Variants in STAC observed in about 807,000 individuals in gnomAD.
The protein encoded by STAC is SH3 and cysteine-rich domain-containing protein.
STAC carries 43 observed loss-of-function variants against 48.8 expected under a neutral mutation model. That is an observed-to-expected ratio of 0.88 (90% CI 0.69 to 1.14). STAC has a LOEUF of 1.14. Ranked by LOEUF, STAC falls within the 50% of genes most tolerant of loss-of-function variation. The pLI is 0.00. For synonymous variants in STAC, 193 were observed against 179.5 expected (o/e 1.07, Z -0.60); for missense variants, 497 against 504.0 (o/e 0.99, Z 0.13).
intron 6 of STAC, 113 bp downstream of exon 6, chr3:36,493,342 A>G: frequency 1.1e-6 from 1 of 936,834 alleles, no homozygotes; most frequent in East Asian, 2.6e-5. Context: ...GAATTTAATC[A>G]GGGCGAGTGT....
At chr3:36,396,527 C>T (rs1486585905) in intron 1 of STAC, among the ~76,000 whole-genome samples, 1 of 152,080 alleles carries the variant, frequency 6.6e-6, no homozygotes, top group Non-Finnish European at 1.5e-5. Flanking sequence ...CACAGAAGTA[C>T]AGGGATGCTT....
At position 36,387,929 on chromosome 3, in the gene STAC, C is replaced by T. The variant is rs540208331; in HGVS notation, c.111+7175C>T. 5.3e-5 allele frequency among the ~76,000 whole-genome samples: 8 copies of T among 152,132 alleles called. No homozygotes were observed. In the South Asian group the frequency reaches 1.5e-3, roughly 28 times the overall value. ...TTGCCATCCTATTTTCCACAGTGGT[C>T]GCACAGTTTTGGATTCTGACGAGTA... On this transcript the variant is annotated intron_variant, in intron 1 of 10. Coordinates refer to ENST00000273183, the MANE Select transcript of STAC (RefSeq NM_003149.3).
chr3:36,525,773 C>T (rs970439865), intron 8 of STAC, among the ~76,000 whole-genome samples: 10 of 152,164 alleles, frequency 6.6e-5, no homozygotes, highest in African/African-American at 1.9e-4. Flanking sequence ...ACCTCGCTTT[C>T]TGCGGCATCA....
intron 3 of STAC, among the ~76,000 whole-genome samples, chr3:36,484,380 G>A (rs1697742675): frequency 6.6e-6 from 1 of 152,166 alleles, no homozygotes; most frequent in African/African-American, 2.4e-5. Context: ...ACTCTGATTT[G>A]CAATGTCTCT....
chr3:36,516,232 T>G (rs1051170619), intron 8 of STAC, among the ~76,000 whole-genome samples: 2 of 152,050 alleles, frequency 1.3e-5, no homozygotes, highest in Non-Finnish European at 2.9e-5. Context: ...TCCTCCCGTC[T>G]CAGCCTCCTA....
chr3:36,529,173 C>A, intron 10 of STAC, 188 bp downstream of exon 10: 1 of 544,230 alleles, frequency 1.8e-6, no homozygotes, highest in African/African-American at 1.9e-5. Flanking sequence ...TTTTAGGAAT[C>A]TCACTTGGTG....
chr3:36,438,211 G>A (rs189812501), intron 1 of STAC, among the ~76,000 whole-genome samples: 3 of 152,132 alleles, frequency 2.0e-5, no homozygotes, highest in South Asian at 2.1e-4. Context: ...GATGACAGGC[G>A]TGAGCCACCG....
At chr3:36,514,321 T>C (rs1698617455) in intron 8 of STAC, among the ~76,000 whole-genome samples, 1 of 140,904 alleles carries the variant, frequency 7.1e-6, no homozygotes, top group Non-Finnish European at 1.5e-5. Context: ...CCCACAACCA[T>C]CAAACACACA....
intron 8 of STAC, among the ~76,000 whole-genome samples, chr3:36,515,559 G>T (rs938490490): frequency 6.6e-6 from 1 of 152,190 alleles, no homozygotes; most frequent in Non-Finnish European, 1.5e-5. Flanking sequence ...GTGAGACTTT[G>T]ATTAATGCTC....
At chr3:36,434,482 A>G (rs1700780866) in intron 1 of STAC, among the ~76,000 whole-genome samples, 1 of 152,248 alleles carries the variant, frequency 6.6e-6, no homozygotes, top group Non-Finnish European at 1.5e-5. Flanking sequence ...TGATGACTTC[A>G]TTTCAACTCA....
chr3:36,465,906 TC>T (rs1259861674), intron 2 of STAC, among the ~76,000 whole-genome samples: 2 of 152,168 alleles, frequency 1.3e-5, no homozygotes, highest in Non-Finnish European at 2.9e-5. Flanking sequence ...GCCCACTGAT[TC>T]AAATGTTAAT....
At chr3:36,410,993 C>CATT (rs1387958116) in intron 1 of STAC, among the ~76,000 whole-genome samples, 1 of 152,134 alleles carries the variant, frequency 6.6e-6, no homozygotes, top group Non-Finnish European at 1.5e-5. Context: ...AAGCAACTGC[C>CATT]CAATATCTAT....
chr3:36,498,189 A>G (rs1222702561), intron 6 of STAC, among the ~76,000 whole-genome samples: 1 of 152,208 alleles, frequency 6.6e-6, no homozygotes, highest in African/African-American at 2.4e-5. Flanking sequence ...ACCATAAAAC[A>G]TAACAAAGGA....
intron 2 of STAC, among the ~76,000 whole-genome samples, chr3:36,454,833 G>T (rs919019292): frequency 2.0e-5 from 3 of 152,076 alleles, no homozygotes; most frequent in African/African-American, 4.8e-5. Context: ...AGGGAGGGGG[G>T]AATATTTTTT....
Position 36,547,628 on chromosome 3 carries a change from A to G in STAC, c.*1339A>G, listed in dbSNP as rs962221160. ...TGTTACAGAGCAATAAAATCATTAG[A>G]ACAATGGTTTTTAAAAGACTTAAGT... On this transcript the variant is annotated 3_prime_UTR_variant, in exon 11 of 11. Coordinates refer to ENST00000273183, the MANE Select transcript of STAC (RefSeq NM_003149.3). The G allele has an allele frequency of 1.4e-4, 22 of 152,776 alleles. No individual in the cohort carries two copies. Among genetic ancestry groups the G allele is most frequent in the Non-Finnish European group, 3.1e-4 (21 of 68,036 alleles). 9.5% of individuals were successfully genotyped at this position (152,776 alleles called of 1,614,324 possible). A position where few individuals can be genotyped will look rare whatever the true frequency, so the allele number is the denominator to read the frequency against.
chr3:36,388,046 T>C (rs1453021276), intron 1 of STAC, among the ~76,000 whole-genome samples: 1 of 152,122 alleles, frequency 6.6e-6, no homozygotes, highest in East Asian at 1.9e-4. Flanking sequence ...TGGTATCTCA[T>C]GTTTAGTGAT....
intron 1 of STAC, among the ~76,000 whole-genome samples, chr3:36,386,697 G>A (rs1699623826): frequency 6.6e-6 from 1 of 152,050 alleles, no homozygotes; most frequent in South Asian, 2.1e-4. Context: ...TAATTTGACT[G>A]TATATGTGCA....
At position 36,546,181 on chromosome 3, in the gene STAC, T is replaced by C. The variant is rs1699440075; in HGVS notation, c.1111-10T>C. On this transcript the variant is annotated splice_polypyrimidine_tract_variant and intron_variant, in intron 10 of 10. Transcript: ENST00000273183. ...AAAGTATTTTGTTTTTTTTCTTCCT[T>C]GGCATTCAGATCTGCGTGAGTTCTG... 6.2e-7 allele frequency: 1 copy of C among 1,612,600 alleles called. No individual in the cohort carries two copies. Among genetic ancestry groups the C allele is most frequent in the Admixed American group, 1.7e-5 (1 of 59,916 alleles).
intron 6 of STAC, among the ~76,000 whole-genome samples, chr3:36,493,925 C>A (rs62243760): frequency 0.024 from 3,695 of 151,600 alleles, 60 homozygotes; most frequent in Non-Finnish European, 0.038. Flanking sequence ...CCGAGGCGGG[C>A]GGATCACGAG....
Sources: gnomAD v4.1 joint callset for allele counts (sites outside exome capture counted in the v4.1 genomes callset) on GRCh38, gnomAD v4.1.1 for gene constraint, MANE v1.5 for transcripts, NCBI Gene and HGNC (gene_info 2026-07-23, HGNC 2026-07-21) for gene names.